The following PGAM5 variants were observed in gnomAD, a reference collection of about 807,000 sequenced individuals.
PGAM5 encodes the protein PGAM family member 5, mitochondrial serine/threonine protein phosphatase.
A neutral mutation model predicts 30.6 loss-of-function variants in PGAM5; 25 were observed. That is an observed-to-expected ratio of 0.82 (90% CI 0.60 to 1.14). The LOEUF (loss-of-function observed/expected upper bound fraction) is 1.14. Among genes scored for constraint, PGAM5 ranks in the 50% most tolerant of loss-of-function variants. PGAM5 has a pLI of 0.00. For synonymous variants in PGAM5, 201 were observed against 179.1 expected (o/e 1.12, Z -0.98); for missense variants, 384 against 408.5 (o/e 0.94, Z 0.52).
intron 5 of PGAM5, 57 bp from the exon 6 acceptor site, chr12:132,720,621 T>C: frequency 6.7e-7 from 1 of 1,499,806 alleles, no homozygotes; most frequent in East Asian, 2.5e-5. Context: ...CAGCCCGTTT[T>C]AAGGACAGAG....
intron 5 of PGAM5, chr12:132,719,000 G>A (rs1454831819): frequency 6.9e-7 from 1 of 1,438,886 alleles, no homozygotes; most frequent in Non-Finnish European, 9.1e-7. Flanking sequence ...TCCGGGTTCA[G>A]GTTGCGTTTT....
At chr12:132,719,588 GAC>G (rs1439626256) in intron 5 of PGAM5, among the ~76,000 whole-genome samples, 2 of 152,210 alleles carry the variant, frequency 1.3e-5, no homozygotes, top group Non-Finnish European at 2.9e-5. Context: ...GTGTGTCCAT[GAC>G]ACAGTCACCC....
rs1028365562 is a variant in PGAM5, at chr12:132,718,788, A to G, written c.719+668A>G. 5 of 1,613,222 alleles carry G rather than the reference A, an allele frequency of 3.1e-6. No individual in the cohort carries two copies. The South Asian group carries it at 5.5e-5, about 18-fold the overall frequency. ...ATCCCGCCGCTGTTGTCCGCTGGGGATTTTGTGCTTCTGGGGTCCTGACCT... is the reference window on the plus strand; with the variant it reads ...ATCCCGCCGCTGTTGTCCGCTGGGGGTTTTGTGCTTCTGGGGTCCTGACCT... On this transcript the variant is annotated intron_variant, in intron 5 of 5. Coordinates refer to ENST00000498926, the MANE Select transcript of PGAM5 (RefSeq NM_001170543.2).
At chr12:132,712,098 C>T (rs770059212) in intron 1 of PGAM5, among the ~76,000 whole-genome samples, 62 of 152,082 alleles carry the variant, frequency 4.1e-4, no homozygotes, top group Non-Finnish European at 7.5e-4. Flanking sequence ...AACCTTATTT[C>T]CTCTATTATT....
At position 132,720,669 on chromosome 12, in the gene PGAM5, T is replaced by TCTCC; in HGVS notation, c.720-7_720-4dup. 1 of 1,533,566 alleles carries TCTCC rather than the reference T, an allele frequency of 6.5e-7. No individual in the cohort carries two copies. The allele number at this position is 1,533,566 out of a possible 1,614,324, so 95.0% of individuals were successfully genotyped here. ...AACGTGCTCTTTCTCTCTCTCTCTCTCTCCCCAGAGCACTGCAGTTTCCTC... is the reference window on the plus strand; with the variant it reads ...AACGTGCTCTTTCTCTCTCTCTCTCTCTCCCTCCCCAGAGCACTGCAGTTTCCTC... On this transcript the variant is annotated splice_polypyrimidine_tract_variant and intron_variant, in intron 5 of 5. Transcript: ENST00000498926.
intron 5 of PGAM5, 35 bp downstream of exon 5, chr12:132,718,155 A>T: frequency 1.2e-6 from 2 of 1,610,034 alleles, no homozygotes; most frequent in Non-Finnish European, 1.7e-6. Flanking sequence ...GGTCTAAAAT[A>T]ATTTCAGACT....
intron 5 of PGAM5, chr12:132,719,012 C>T: frequency 7.0e-7 from 1 of 1,434,034 alleles, no homozygotes; most frequent in Non-Finnish European, 9.1e-7. Flanking sequence ...TTGCGTTTTC[C>T]CTGCCACCAC....
Position 132,711,026 on chromosome 12 carries a change from C to G in PGAM5, c.150C>G (p.Gly50=). The G allele has an allele frequency of 8.2e-7, 1 of 1,214,836 alleles. No individual in the cohort carries two copies. 75.3% of individuals were successfully genotyped at this position (1,214,836 alleles called of 1,614,324 possible). The change falls in exon 1 of 6, where the codon GGC becomes GGG. Residue 50 remains glycine (G), a synonymous_variant. Transcript: ENST00000498926. ...CTGAGCCGCCGGCCTGGGCGGGGGG[C>G]GCGCGGCCGGGCCCCGGTGTCTGGG... is the stretch of plus-strand genomic sequence containing the variant. The part of the protein sequence containing the change: ...RPAEPPAWAG[G]ARPGPGVWDP...
At chr12:132,715,428 A>G (rs931485389) in intron 2 of PGAM5, among the ~76,000 whole-genome samples, 4 of 151,192 alleles carry the variant, frequency 2.6e-5, no homozygotes, top group Admixed American at 6.6e-5. Context: ...AAAATTAGCC[A>G]GGTGCAGTGG....
chr12:132,717,846 G>A, intron 4 of PGAM5, 48 bp downstream of exon 4: 1 of 1,583,556 alleles, frequency 6.3e-7, no homozygotes, highest in Non-Finnish European at 8.6e-7. Context: ...CCTTCCCTGG[G>A]CAAAGCGGCC....
chr12:132,720,409 G>A (rs537706099), intron 5 of PGAM5, among the ~76,000 whole-genome samples: 9 of 151,542 alleles, frequency 5.9e-5, no homozygotes, highest in South Asian at 4.2e-4. Flanking sequence ...CCGGGTTCAC[G>A]CCATTCTTCT....
chr12:132,713,713 C>T (rs2043544935), intron 1 of PGAM5, among the ~76,000 whole-genome samples: 1 of 152,196 alleles, frequency 6.6e-6, no homozygotes, highest in African/African-American at 2.4e-5. Flanking sequence ...CTCTGTTGCC[C>T]AGGCTGGAGT....
intron 5 of PGAM5, chr12:132,718,730 A>G: frequency 6.2e-7 from 1 of 1,612,054 alleles, no homozygotes; most frequent in Non-Finnish European, 8.5e-7. Context: ...TCGACCAACC[A>G]CCTTCTGCCT....
chr12:132,720,399 C>T (rs1221393320), intron 5 of PGAM5, among the ~76,000 whole-genome samples: 1 of 151,896 alleles, frequency 6.6e-6, no homozygotes, highest in African/African-American at 2.4e-5. Context: ...GCTCCGCCTC[C>T]CGGGTTCACG....
At chr12:132,719,152 G>C in intron 5 of PGAM5, 2 of 1,270,886 alleles carry the variant, frequency 1.6e-6, no homozygotes, top group Non-Finnish European at 2.0e-6. Flanking sequence ...CTCACTAAAT[G>C]CAAATTTGAA....
chr12:132,711,811 G>A (rs1353527150), intron 1 of PGAM5: 1 of 152,040 alleles, frequency 6.6e-6, no homozygotes, highest in Non-Finnish European at 1.5e-5. Context: ...AGTAGTGCAG[G>A]TTTTTAACAT....
chr12:132,717,494 TAATAA>T lies in PGAM5; in HGVS notation c.430_434del (p.Lys144ArgfsTer102). On this transcript the variant is annotated frameshift_variant, in exon 3 of 6. Coordinates refer to ENST00000498926, the MANE Select transcript of PGAM5 (RefSeq NM_001170543.2). LOFTEE classifies it high-confidence loss of function. Reference sequence around the variant, plus strand: ...GCCTGGCAAGCTTGGGGTTGAAGTTTAATAAAATCGTCCATTCGTCTATGACGCGC... The same window carrying T: ...GCCTGGCAAGCTTGGGGTTGAAGTTTAATCGTCCATTCGTCTATGACGCGC... 6.2e-7 allele frequency: 1 copy of T among 1,610,772 alleles called. No individual in the cohort carries two copies. The highest frequency in any genetic ancestry group is 8.5e-7 in the Non-Finnish European group (1 of 1,179,912).
Position 132,712,525 on chromosome 12 carries a change from C to T in PGAM5, c.191+1458C>T, listed in dbSNP as rs552370182. Among the ~76,000 whole-genome samples, 14 of 152,248 alleles carry T rather than the reference C, an allele frequency of 9.2e-5. No individual in the cohort carries two copies. The South Asian group carries it at 2.3e-3, about 25-fold the overall frequency. ...AGGCTGGAGTGCAATGGTGCAATCT[C>T]GGCTCACTGCAACCTCCGCCTCCCG... On this transcript the variant is annotated intron_variant, in intron 1 of 5. Coordinates refer to ENST00000498926, the MANE Select transcript of PGAM5 (RefSeq NM_001170543.2).
intron 5 of PGAM5, chr12:132,719,162 A>T (rs1216333371): frequency 2.4e-6 from 3 of 1,246,546 alleles, no homozygotes; most frequent in African/African-American, 3.1e-5. Context: ...GCAAATTTGA[A>T]ACAAATTTGC....
Sources: gnomAD v4.1 joint callset for allele counts (sites outside exome capture counted in the v4.1 genomes callset) on GRCh38, gnomAD v4.1.1 for gene constraint, MANE v1.5 for transcripts, NCBI Gene and HGNC (gene_info 2026-07-23, HGNC 2026-07-21) for gene names.